Variants in ADCY3 observed in about 807,000 individuals in gnomAD.
ADCY3 encodes adenylate cyclase type 3.
A neutral mutation model predicts 119.4 loss-of-function variants in ADCY3; 70 were observed. The ratio of observed to expected loss-of-function variants is 0.59; its 90% CI spans 0.48 to 0.72. ADCY3 has a LOEUF of 0.72. ADCY3 is among the 30% of genes least tolerant of loss of function. The pLI, the probability that ADCY3 is intolerant of heterozygous loss-of-function variation, is 0.00. For missense variants in ADCY3, 1,238 were observed against 1,541.6 expected, an observed-to-expected ratio of 0.80 and a Z score of 3.30; for synonymous variants, 672 against 621.4, an observed-to-expected ratio of 1.08 and a Z score of -1.21.
At chr2:24,828,282 CGG>C in intron 13 of ADCY3, 121 bp from the exon 14 acceptor site, 1 of 1,238,222 alleles carries the variant, frequency 8.1e-7, no homozygotes, top group Non-Finnish European at 1.1e-6. Flanking sequence ...CCAGAAATAC[CGG>C]GAAAGATGGG....
At chr2:24,894,089 G>A (rs1677987991) in intron 2 of ADCY3, among the ~76,000 whole-genome samples, 1 of 152,038 alleles carries the variant, frequency 6.6e-6, no homozygotes, top group Non-Finnish European at 1.5e-5. Context: ...ATTGGCTTAT[G>A]AGTCATATCT....
Position 24,844,106 on chromosome 2 carries a change from C to T in ADCY3, c.826-1722G>A, listed in dbSNP as rs374853021. 1.2e-3 allele frequency among the ~76,000 whole-genome samples: 188 copies of T among 152,310 alleles called. 2 individuals are homozygous for T. Among genetic ancestry groups the T allele is most frequent in the African/African-American group, 4.0e-3 (167 of 41,560 alleles). On this transcript the variant is annotated intron_variant, in intron 3 of 21. Transcript: ENST00000679454. ...CAAGGGGCCAAGATACAAATGAAAC[C>T]GCAGCAGGCACAGGGGGAGGCCAGG...
chr2:24,838,804 T>C (rs1022692026), intron 7 of ADCY3, 182 bp from the exon 8 acceptor site: 1 of 1,605,558 alleles, frequency 6.2e-7, no homozygotes, highest in African/African-American at 1.3e-5. Context: ...GCTAACTAGC[T>C]GTGTGGGCCG....
chr2:24,882,773 G>A (rs1388340964), intron 2 of ADCY3, among the ~76,000 whole-genome samples: 1 of 152,174 alleles, frequency 6.6e-6, no homozygotes, highest in Non-Finnish European at 1.5e-5. Flanking sequence ...GAAGCTAGCA[G>A]TGGCCGGGCA....
chr2:24,821,771 A>G, intron 19 of ADCY3, 131 bp from the exon 20 acceptor site: 1 of 1,385,656 alleles, frequency 7.2e-7, no homozygotes, highest in South Asian at 1.4e-5. Context: ...TTTTCCTCCC[A>G]CAAAGGAGTC....
chr2:24,823,079 T>TC (rs1367545694), intron 18 of ADCY3, 130 bp downstream of exon 18: 18 of 1,203,880 alleles, frequency 1.5e-5, no homozygotes, highest in Non-Finnish European at 2.0e-5. Flanking sequence ...GCTGCAGAAG[T>TC]CCATGTATTG....
In ADCY3 at chr2:24,850,916, T is replaced by C. The variant is rs140053764; in HGVS notation, c.826-8532A>G. Among the ~76,000 whole-genome samples the C allele has an allele frequency of 2.5e-3, 379 of 152,328 alleles. 2 individuals carry two copies. Among genetic ancestry groups the C allele is most frequent in the African/African-American group, 8.8e-3 (366 of 41,580 alleles). Reference sequence around the variant, plus strand: ...TGAAGCTGACGCTGGGATCTATGTGTGCATAGAAATAAAGGCAGAAGGCTA... The same window carrying C: ...TGAAGCTGACGCTGGGATCTATGTGCGCATAGAAATAAAGGCAGAAGGCTA... On this transcript the variant is annotated intron_variant, in intron 3 of 21. Transcript: ENST00000679454.
chr2:24,890,380 A>G (rs1405394253), intron 2 of ADCY3, among the ~76,000 whole-genome samples: 3 of 152,216 alleles, frequency 2.0e-5, no homozygotes, highest in Admixed American at 2.0e-4. Flanking sequence ...CTTTCTGATA[A>G]AATTTATGTG....
intron 2 of ADCY3, among the ~76,000 whole-genome samples, chr2:24,877,261 G>A (rs1207582123): frequency 2.0e-5 from 3 of 152,106 alleles, no homozygotes; most frequent in African/African-American, 7.2e-5. Flanking sequence ...TGTGGGTTAC[G>A]ACTCTACACT....
At chr2:24,843,406 C>T (rs1671276909) in intron 3 of ADCY3, among the ~76,000 whole-genome samples, 2 of 152,288 alleles carry the variant, frequency 1.3e-5, no homozygotes, top group South Asian at 4.2e-4. Context: ...CTAATTTTTA[C>T]ATTTTTTGTA....
chr2:24,871,964 G>A (rs1389509506), intron 3 of ADCY3, among the ~76,000 whole-genome samples: 1 of 152,242 alleles, frequency 6.6e-6, no homozygotes, highest in Non-Finnish European at 1.5e-5. Context: ...CATCCCCGGG[G>A]AACAGGCTGG....
intron 2 of ADCY3, among the ~76,000 whole-genome samples, chr2:24,909,789 C>G (rs745990048): frequency 6.6e-6 from 1 of 152,174 alleles, no homozygotes; most frequent in African/African-American, 2.4e-5. Context: ...GTTTCTCAGA[C>G]AGCCTCAGAA....
At chr2:24,871,662 C>T (rs1019621253) in intron 3 of ADCY3, among the ~76,000 whole-genome samples, 1 of 152,350 alleles carries the variant, frequency 6.6e-6, no homozygotes, top group Non-Finnish European at 1.5e-5. Flanking sequence ...CAGGAGCACA[C>T]AGAACCTCCT....
chr2:24,849,808 A>AC (rs1304838922), intron 3 of ADCY3, among the ~76,000 whole-genome samples: 1 of 151,128 alleles, frequency 6.6e-6, no homozygotes, highest in African/African-American at 2.4e-5. Flanking sequence ...TCCCCCTGCC[A>AC]CCCCCCAAGC....
intron 9 of ADCY3, 106 bp from the exon 10 acceptor site, chr2:24,835,042 C>T (rs768654640): frequency 9.4e-6 from 13 of 1,380,542 alleles, no homozygotes; most frequent in Admixed American, 4.2e-5. Context: ...AGGGCATACT[C>T]GGAGGACCAA....
At chr2:24,909,561 C>A (rs572652026) in intron 2 of ADCY3, among the ~76,000 whole-genome samples, 1 of 152,298 alleles carries the variant, frequency 6.6e-6, no homozygotes, top group African/African-American at 2.4e-5. Context: ...GCCACCATTT[C>A]TCTCTGTACA....
At position 24,819,814 on chromosome 2, in the gene ADCY3, A is replaced by C. The variant is rs982162333; in HGVS notation, c.*118T>G. The C allele has an allele frequency of 3.1e-5, 33 of 1,062,260 alleles. No homozygotes were observed. Among genetic ancestry groups the C allele is most frequent in the Non-Finnish European group, 4.5e-5 (33 of 740,524 alleles). The allele number at this position is 1,062,260 out of a possible 1,614,324, so 65.8% of individuals were successfully genotyped here. ...ATCCACGAACAAATGAAGGCTGAGG[A>C]GGTTTCTAAACCTAAAGTCCATGAG... On this transcript the variant is annotated 3_prime_UTR_variant, in exon 22 of 22. Transcript: ENST00000679454.
At chr2:24,890,512 T>A (rs934036467) in intron 2 of ADCY3, among the ~76,000 whole-genome samples, 2 of 152,238 alleles carry the variant, frequency 1.3e-5, no homozygotes, top group African/African-American at 4.8e-5. Context: ...GATATGGGGC[T>A]ATTCAACATT....
chr2:24,904,693 A>G (rs1288659599), intron 2 of ADCY3, among the ~76,000 whole-genome samples: 6 of 151,342 alleles, frequency 4.0e-5, no homozygotes, highest in Admixed American at 1.3e-4. Context: ...CCAGGCTGGA[A>G]TGCAGTGGCA....
Sources: allele counts gnomAD v4.1 joint callset (sites outside exome capture counted in the v4.1 genomes callset), GRCh38; gene constraint gnomAD v4.1.1; transcripts MANE v1.5; gene names NCBI Gene and HGNC (gene_info 2026-07-23, HGNC 2026-07-21).